Variants in ADGRG5 observed in about 807,000 individuals in gnomAD.
ADGRG5 encodes the protein G protein-coupled receptor 114.
ADGRG5 carries 37 observed loss-of-function variants against 53.2 expected under a neutral mutation model. The observed-to-expected ratio is 0.70, with a 90% CI of 0.53 to 0.91. The LOEUF is 0.91. Among genes scored for constraint, ADGRG5 ranks in the 40% least tolerant of loss-of-function variants. The probability of loss-of-function intolerance (pLI) is 0.00; values close to 1 mark genes in which losing one functional copy is unlikely to be tolerated. For synonymous variants in ADGRG5, 277 were observed against 290.4 expected (o/e 0.95, Z 0.47); for missense variants, 614 against 675.8 (o/e 0.91, Z 1.01).
At chr16:57,538,731 C>T (rs1422878998), upstream of ADGRG5, among the ~76,000 whole-genome samples, 1 of 152,150 alleles carries the variant, frequency 6.6e-6, no homozygotes, top group African/African-American at 2.4e-5. Context: ...GTTTTTGAGG[C>T]GTGTGTCAAT....
At chr16:57,529,690 G>A in the ADGRG5 span, among the ~76,000 whole-genome samples, 2 of 152,138 alleles carry the variant, frequency 1.3e-5, no homozygotes, top group Non-Finnish European at 2.9e-5. The surrounding 1 kb of genome is among the most constrained non-coding windows in gnomAD (Gnocchi z 4.1). Flanking sequence ...TTCCTGCACT[G>A]GGCTAACTCT....
chr16:57,545,830 T>C, intron 1 of ADGRG5, among the ~76,000 whole-genome samples: 1 of 152,232 alleles, frequency 6.6e-6, no homozygotes, highest in South Asian at 2.1e-4. Flanking sequence ...ACCATTTATT[T>C]ATTTTTATTT....
rs551952072 is a variant in ADGRG5, at chr16:57,554,607, A to C, written c.-38-7449A>C. Among the ~76,000 whole-genome samples the C allele has an allele frequency of 2.0e-5, 3 of 152,152 alleles. No individual in the cohort carries two copies. The East Asian group carries it at 5.8e-4, about 29-fold the overall frequency. ...TAGCCAGGATGGTCTCAATCTCCTG[A>C]CTTTGTGATCCGCCCACCTTGGCCT... is the stretch of plus-strand genomic sequence containing the variant. On this transcript the variant is annotated intron_variant, in intron 1 of 11. Transcript: ENST00000349457.
intron 5 of ADGRG5, 98 bp downstream of exon 5, chr16:57,564,077 C>A: frequency 7.6e-7 from 1 of 1,317,408 alleles, no homozygotes; most frequent in Non-Finnish European, 1.1e-6. Flanking sequence ...GTGACCAGCA[C>A]TGAGTGAGAC....
chr16:57,567,720 C>T, intron 8 of ADGRG5, 129 bp downstream of exon 8: 1 of 1,420,342 alleles, frequency 7.0e-7, no homozygotes, highest in South Asian at 1.3e-5. Flanking sequence ...GGAGACCAGC[C>T]TTGTGGTGCG....
intron 9 of ADGRG5, 113 bp from the exon 10 acceptor site, chr16:57,570,305 C>A: frequency 1.5e-6 from 1 of 654,366 alleles, no homozygotes; most frequent in East Asian, 2.7e-5. Context: ...CAACAGTCTC[C>A]TCTCAGTTGT....
chr16:57,573,461 C>A (rs9934379), intron 10 of ADGRG5, among the ~76,000 whole-genome samples: 8,999 of 148,124 alleles, frequency 0.061, 554 homozygotes, highest in East Asian at 0.34. Flanking sequence ...AAGAGTGAGG[C>A]ATGAATTAAG....
chr16:57,566,846 C>G (rs1266442629), intron 7 of ADGRG5, 95 bp downstream of exon 7: 9 of 1,172,274 alleles, frequency 7.7e-6, no homozygotes, highest in Non-Finnish European at 1.0e-5. Flanking sequence ...GACAGAAAGT[C>G]CAACTGAAAT....
chr16:57,553,391 C>G (rs1172870635), intron 1 of ADGRG5, among the ~76,000 whole-genome samples: 1 of 152,216 alleles, frequency 6.6e-6, no homozygotes, highest in African/African-American at 2.4e-5. Context: ...TTTTTGTTGG[C>G]ATGAGATATC....
chr16:57,532,557 C>T, the ADGRG5 span, among the ~76,000 whole-genome samples: 9 of 152,274 alleles, frequency 5.9e-5, no homozygotes, highest in South Asian at 6.2e-4. Flanking sequence ...CTCAGATGGA[C>T]GGACAGGCAC....
the ADGRG5 span, among the ~76,000 whole-genome samples, chr16:57,535,130 G>T: frequency 1.3e-5 from 2 of 152,208 alleles, no homozygotes; most frequent in Non-Finnish European, 2.9e-5. Flanking sequence ...AAACCACAGA[G>T]GACAGCCTGA....
chr16:57,566,785 C>T (rs2033144949), intron 7 of ADGRG5, 34 bp downstream of exon 7: 3 of 1,408,640 alleles, frequency 2.1e-6, no homozygotes, highest in African/African-American at 1.5e-5. Context: ...CTCAGAGCTA[C>T]AGAGGGCCCT....
chr16:57,542,942 A>C (rs1429226821), intron 1 of ADGRG5: 1 of 152,266 alleles, frequency 6.6e-6, no homozygotes, highest in Non-Finnish European at 1.5e-5. Flanking sequence ...GTGGTTAGGC[A>C]TGGGTCTCGA....
chr16:57,563,243 C>T lies in ADGRG5; in HGVS notation c.293C>T (p.Pro98Leu), dbSNP rs2033048154. ...SLTSATLKRV[P>L]QAGGQHARGQ... ...ACCAGTGCCACTCTGAAGCGGGTGC[C>T]CCAGGTCAGAGGCTGCGGGTTGGGG... The change falls in exon 4 of 12, where the codon CCC becomes CTC. Residue 98 changes from proline to leucine, a missense_variant. Coordinates refer to ENST00000349457, the MANE Select transcript of ADGRG5 (RefSeq NM_001304376.3). 1.2e-6 allele frequency: 2 copies of T among 1,613,614 alleles called. No individual in the cohort carries two copies. The highest frequency in any genetic ancestry group is 2.7e-5 in the African/African-American group (2 of 74,926).
chr16:57,555,974 C>G (rs1242412560), intron 1 of ADGRG5, among the ~76,000 whole-genome samples: 3 of 152,200 alleles, frequency 2.0e-5, no homozygotes, highest in East Asian at 3.9e-4. Flanking sequence ...CTCTCTCTCC[C>G]CTGCTGCCAT....
At chr16:57,557,181 A>G (rs1019290747) in intron 1 of ADGRG5, among the ~76,000 whole-genome samples, 10 of 152,126 alleles carry the variant, frequency 6.6e-5, no homozygotes, top group Non-Finnish European at 7.4e-5. Flanking sequence ...AAGTGCAGGG[A>G]TTACAGGTGT....
rs1228857831 is a variant in ADGRG5, at chr16:57,574,786, T to G, written c.1209-29T>G. 19 of 1,538,348 alleles carry G rather than the reference T, an allele frequency of 1.2e-5. No homozygotes were observed. Among genetic ancestry groups the G allele is most frequent in the Non-Finnish European group, 1.5e-5 (17 of 1,142,064 alleles). ...CTCCCCGCGGGCCTGGGAGCCACTGTGAGCCTGACACGTCACCCTCCCCTG... is the reference window on the plus strand; with the variant it reads ...CTCCCCGCGGGCCTGGGAGCCACTGGGAGCCTGACACGTCACCCTCCCCTG... On this transcript the variant is annotated intron_variant, in intron 10 of 11. Transcript: ENST00000349457. This position sits in a 1 kb window ranked among gnomAD's most constrained non-coding sequence, Gnocchi z 4.4.
At chr16:57,564,944 CT>C in intron 5 of ADGRG5, 89 bp from the exon 6 acceptor site, 1 of 735,466 alleles carries the variant, frequency 1.4e-6, no homozygotes, top group East Asian at 2.5e-5. Flanking sequence ...AGTCTTGCTG[CT>C]TGTTCTCATC....
chr16:57,568,015 C>T lies in ADGRG5; in HGVS notation c.981C>T (p.Ser327=), dbSNP rs994702199. 4 of 1,614,088 alleles carry T rather than the reference C, an allele frequency of 2.5e-6. No homozygotes were observed. The highest frequency in any genetic ancestry group is 1.1e-5 in the South Asian group (1 of 91,088). ...CTGCCCTGCACTACGCGCTGCTCAGCTGCCTCACCTGGATGGCCATCGAGG... is the reference window on the plus strand; with the variant it reads ...CTGCCCTGCACTACGCGCTGCTCAGTTGCCTCACCTGGATGGCCATCGAGG... ...LAAALHYALL[S]CLTWMAIEGF... Residue 327 remains serine, a synonymous_variant, in exon 9 of 12, where the codon AGC becomes AGT. Coordinates refer to ENST00000349457, the MANE Select transcript of ADGRG5 (RefSeq NM_001304376.3).
Sources: gnomAD v4.1 joint callset for allele counts (sites outside exome capture counted in the v4.1 genomes callset) on GRCh38, gnomAD v4.1.1 for gene constraint, Gnocchi (gnomAD v3.1) non-coding constraint, MANE v1.5 for transcripts, NCBI Gene and HGNC (gene_info 2026-07-23, HGNC 2026-07-21) for gene names.